NNMT: variants seen among roughly 807,000 people sequenced by gnomAD.
The protein encoded by NNMT is nicotinamide N-methyltransferase.
A neutral mutation model predicts 11.7 loss-of-function variants in NNMT; 10 were observed. The ratio of observed to expected loss-of-function variants is 0.85; its 90% confidence interval spans 0.53 to 1.45. The LOEUF is 1.45. Ranked by LOEUF, NNMT falls within the 40% of genes most tolerant of loss-of-function variation. The pLI, the probability that NNMT is intolerant of heterozygous loss-of-function variation, is 0.00. For missense variants in NNMT, 381 were observed against 319.4 expected, an observed-to-expected ratio of 1.19 and a Z score of -1.47; for synonymous variants, 143 against 133.8, an observed-to-expected ratio of 1.07 and a Z score of -0.48.
chr11:114,261,026 G>C (rs1307248152), intron 1 of NNMT, among the ~76,000 whole-genome samples: 2 of 152,210 alleles, frequency 1.3e-5, no homozygotes, highest in Admixed American at 1.3e-4. Context: ...ACGTGAATCA[G>C]CTTTCTAAAC....
At chr11:114,269,889 A>C (rs928066648) in intron 2 of NNMT, among the ~76,000 whole-genome samples, 3 of 152,142 alleles carry the variant, frequency 2.0e-5, no homozygotes, top group Non-Finnish European at 2.9e-5. Context: ...TAATTCATGT[A>C]TTAATTATCT....
chr11:114,266,499 T>A (rs1402632610), intron 2 of NNMT, among the ~76,000 whole-genome samples: 1 of 152,160 alleles, frequency 6.6e-6, no homozygotes, highest in Non-Finnish European at 1.5e-5. Context: ...GGCCTTTGCA[T>A]GTGCTGTTCC....
chr11:114,280,013 G>T (rs1006598299), intron 2 of NNMT, among the ~76,000 whole-genome samples: 3 of 152,104 alleles, frequency 2.0e-5, no homozygotes, highest in Non-Finnish European at 4.4e-5. Flanking sequence ...GACAAAGGTG[G>T]GGTCACGGAA....
intron 2 of NNMT, among the ~76,000 whole-genome samples, chr11:114,271,641 C>T (rs1035843069): frequency 6.6e-6 from 1 of 152,198 alleles, no homozygotes; most frequent in Non-Finnish European, 1.5e-5. Flanking sequence ...ATCCTCTTCA[C>T]CCTCCTCTAA....
chr11:114,267,704 C>T (rs77169248), intron 2 of NNMT, among the ~76,000 whole-genome samples: 5,849 of 152,182 alleles, frequency 0.038, 142 homozygotes, highest in Middle Eastern at 0.071. Flanking sequence ...GTTTCTTTTT[C>T]CTGTCTTTTG....
intron 2 of NNMT, chr11:114,298,475 A>G (rs1945406576): frequency 3.2e-6 from 1 of 312,486 alleles, no homozygotes; most frequent in African/African-American, 2.1e-5. Context: ...GTACCTTGGG[A>G]CCTAGGTTTA....
intron 2 of NNMT, among the ~76,000 whole-genome samples, chr11:114,284,740 G>A (rs1945285025): frequency 6.7e-6 from 1 of 149,576 alleles, no homozygotes; most frequent in African/African-American, 2.5e-5. Context: ...GAGATGACAG[G>A]CGTGAGCCAC....
chr11:114,308,407 C>G (rs1031560688), intron 2 of NNMT, among the ~76,000 whole-genome samples: 1 of 152,142 alleles, frequency 6.6e-6, no homozygotes, highest in African/African-American at 2.4e-5. Context: ...CTTGCTGAGA[C>G]AGGGCAGGAG....
intron 2 of NNMT, among the ~76,000 whole-genome samples, chr11:114,301,300 T>C (rs1165105783): frequency 6.6e-6 from 1 of 152,174 alleles, no homozygotes; most frequent in Non-Finnish European, 1.5e-5. Flanking sequence ...GTGGTATGTC[T>C]ACACAAAAAG....
chr11:114,294,477 C>CAAAA (rs60331768), upstream of NNMT, among the ~76,000 whole-genome samples: 1,799 of 123,322 alleles, frequency 0.015, 50 homozygotes, highest in African/African-American at 0.05. Flanking sequence ...GACTCCACAT[C>CAAAA]AAAAAAAAAA....
intron 1 of NNMT, among the ~76,000 whole-genome samples, chr11:114,259,310 C>T (rs191937780): frequency 0.011 from 1,741 of 151,892 alleles, 50 homozygotes; most frequent in Admixed American, 0.06. Flanking sequence ...GCTCGGGCAC[C>T]TCCCCAGGAC....
At position 114,312,165 on chromosome 11, in the gene NNMT, C is replaced by T. The variant is rs1490897821; in HGVS notation, c.483C>T (p.Leu161=). 7 of 1,614,118 alleles carry T rather than the reference C, an allele frequency of 4.3e-6. No individual in the cohort carries two copies. In the African/African-American group the frequency reaches 9.3e-5, roughly 22 times the overall value. The change falls in exon 3 of 3, where the codon CTC becomes CTT. Residue 161 remains leucine, a synonymous_variant. Transcript: ENST00000299964. ...AVPLPPADCV[L]STLCLDAACP... is the part of the protein sequence containing the mutation. ...CCTTACCCCCGGCTGACTGCGTGCT[C>T]AGCACACTGTGTCTGGATGCCGCCT...
At chr11:114,273,567 C>T (rs181699260) in intron 2 of NNMT, among the ~76,000 whole-genome samples, 3 of 152,242 alleles carry the variant, frequency 2.0e-5, no homozygotes, top group South Asian at 4.1e-4. Flanking sequence ...AGGCCAGGTG[C>T]GGTGGCTCAT....
upstream of NNMT, among the ~76,000 whole-genome samples, chr11:114,295,063 T>G (rs1023689287): frequency 1.3e-5 from 2 of 152,254 alleles, no homozygotes; most frequent in African/African-American, 4.8e-5. Context: ...AGGCAGGATG[T>G]GCTGCTGGGC....
upstream of NNMT, chr11:114,296,270 G>A (rs757370635): frequency 7.4e-6 from 2 of 271,150 alleles, no homozygotes; most frequent in Non-Finnish European, 1.4e-5. Flanking sequence ...CATCCCTTGG[G>A]CAAGCATTGC....
At chr11:114,275,322 C>T (rs764971897) in intron 2 of NNMT, among the ~76,000 whole-genome samples, 35 of 152,192 alleles carry the variant, frequency 2.3e-4, no homozygotes, top group Non-Finnish European at 3.5e-4. Context: ...TGGATGTCCT[C>T]AACAACATCT....
chr11:114,272,355 G>GT (rs1945176160), intron 2 of NNMT, among the ~76,000 whole-genome samples: 1 of 152,318 alleles, frequency 6.6e-6, no homozygotes, highest in South Asian at 2.1e-4. Flanking sequence ...CAGGAGGTCT[G>GT]TGGGTGCTCA....
chr11:114,267,667 C>T (rs1945132185), intron 2 of NNMT, among the ~76,000 whole-genome samples: 2 of 152,202 alleles, frequency 1.3e-5, no homozygotes, highest in South Asian at 4.1e-4. Flanking sequence ...ACCTATTCTT[C>T]TGTCTTTTGT....
chr11:114,302,410 G>T (rs986934433), intron 2 of NNMT, among the ~76,000 whole-genome samples: 4 of 152,066 alleles, frequency 2.6e-5, no homozygotes, highest in African/African-American at 9.7e-5. Context: ...CATATCTATT[G>T]TCTCATGAAG....
Sources: gnomAD v4.1 joint callset for allele counts (sites outside exome capture counted in the v4.1 genomes callset) on GRCh38, gnomAD v4.1.1 for gene constraint, MANE v1.5 for transcripts, NCBI Gene and HGNC (gene_info 2026-07-23, HGNC 2026-07-21) for gene names.